PCDH7: variants seen among roughly 807,000 people sequenced by gnomAD.
PCDH7 encodes the protein protocadherin 7, also known as protocadherin-7.
PCDH7 carries 17 observed loss-of-function variants against 58.9 expected under a neutral mutation model. The ratio of observed to expected loss-of-function variants is 0.29; its 90% CI spans 0.20 to 0.43. The LOEUF (loss-of-function observed/expected upper bound fraction) is 0.43, where lower values mean the gene tolerates loss of function less well. Among genes scored for constraint, PCDH7 ranks in the 20% least tolerant of loss-of-function variants. PCDH7 has a pLI of 1.00. For synonymous variants in PCDH7, 664 were observed against 616.4 expected (o/e 1.08, Z -1.14); for missense variants, 1,274 against 1,441.0 (o/e 0.88, Z 1.88).
intron 1 of PCDH7, among the ~76,000 whole-genome samples, chr4:30,808,788 G>A (rs1384414344): frequency 6.6e-6 from 1 of 152,076 alleles, no homozygotes; most frequent in Non-Finnish European, 1.5e-5. Context: ...TTAGAAAATT[G>A]TCAAGACATA....
rs760283100 is a variant in PCDH7 at position 30,723,470 on chromosome 4, A to G, written c.2048A>G (p.Asn683Ser). 1 of 1,614,092 alleles carries G rather than the reference A, an allele frequency of 6.2e-7. No homozygotes were observed. Among genetic ancestry groups the G allele is most frequent in the Non-Finnish European group, 8.5e-7 (1 of 1,179,988 alleles). The change falls in exon 1 of 2, where the codon AAC becomes AGC. Residue 683 changes from asparagine to serine, a missense_variant. Transcript: ENST00000361762. The surrounding 1 kb of genome is among the most constrained non-coding windows in gnomAD (Gnocchi z 4.6). ...AGCCTGTACATAGAGGAGAACAATAACATTTTTTCTATTGAAAATGACACG... is the reference window on the plus strand; with the variant it reads ...AGCCTGTACATAGAGGAGAACAATAGCATTTTTTCTATTGAAAATGACACG...
chr4:30,977,088 GATAA>G (rs1441010392), intron 3 of PCDH7, among the ~76,000 whole-genome samples: 1 of 152,092 alleles, frequency 6.6e-6, no homozygotes, highest in African/African-American at 2.4e-5. Context: ...ATAAAAGATT[GATAA>G]ATAAGTAGGC....
chr4:30,728,194 G>C lies in PCDH7; in HGVS notation c.3175-2559G>C, dbSNP rs548130481. On this transcript the variant is annotated intron_variant, in intron 1 of 1. Coordinates refer to ENST00000361762, the Ensembl canonical transcript of PCDH7. Reference sequence around the variant, plus strand: ...ATTGCTTCAATTTTGGAAGCAAATGGTTGACTTGCTGTCATCTATTAAGCA... The same window carrying C: ...ATTGCTTCAATTTTGGAAGCAAATGCTTGACTTGCTGTCATCTATTAAGCA... Among the ~76,000 whole-genome samples, 3 of 150,808 alleles carry C rather than the reference G, an allele frequency of 2.0e-5. No individual in the cohort carries two copies. In the South Asian group the frequency reaches 6.2e-4, roughly 31 times the overall value.
intron 1 of PCDH7, among the ~76,000 whole-genome samples, chr4:30,750,077 C>G (rs921071978): frequency 2.6e-5 from 4 of 152,100 alleles, no homozygotes; most frequent in Non-Finnish European, 5.9e-5. Context: ...AGGCACTGGG[C>G]AGCTCCTTGC....
intron 1 of PCDH7, among the ~76,000 whole-genome samples, chr4:30,823,969 C>T (rs1728699642): frequency 6.6e-6 from 1 of 152,124 alleles, no homozygotes; most frequent in Non-Finnish European, 1.5e-5. Context: ...AACCCAGAAT[C>T]TGGAGAAGCC....
chr4:30,845,740 C>G (rs1560429232), intron 1 of PCDH7, among the ~76,000 whole-genome samples: 1 of 152,044 alleles, frequency 6.6e-6, no homozygotes, highest in Non-Finnish European at 1.5e-5. Context: ...GCTGAGACTA[C>G]AAGTGTGTGC....
chr4:30,802,624 T>C (rs567820689), intron 1 of PCDH7, among the ~76,000 whole-genome samples: 38 of 151,872 alleles, frequency 2.5e-4, no homozygotes, highest in Non-Finnish European at 3.8e-4. Flanking sequence ...TTTGGAGATA[T>C]AGAGGAGGGA....
At chr4:31,015,381 G>T (rs1004313004) in intron 3 of PCDH7, among the ~76,000 whole-genome samples, 3 of 152,154 alleles carry the variant, frequency 2.0e-5, no homozygotes, top group African/African-American at 7.2e-5. Flanking sequence ...ATGATTCCCA[G>T]TGTGTTTTAT....
Position 30,720,804 on chromosome 4 carries a change from T to G in PCDH7, c.-619T>G, listed in dbSNP as rs1713376803. ...AGAGTCGGAGTTGAGACTGGCTTGT[T>G]GCTGGCCCCAGCGCCTGGTGCAGGA... On this transcript the variant is annotated 5_prime_UTR_variant, in exon 1 of 2. Transcript: ENST00000361762. This position sits in a 1 kb window ranked among gnomAD's most constrained non-coding sequence, Gnocchi z 4.7. 1 of 152,874 alleles carries G rather than the reference T, an allele frequency of 6.5e-6. No individual in the cohort carries two copies. 9.5% of individuals were successfully genotyped at this position (152,874 alleles called of 1,614,324 possible).
At chr4:30,860,925 GC>G (rs1468873399) in intron 1 of PCDH7, among the ~76,000 whole-genome samples, 1 of 152,022 alleles carries the variant, frequency 6.6e-6, no homozygotes, top group African/African-American at 2.4e-5. Flanking sequence ...TTTTTTAACT[GC>G]TGTTTACATA....
chr4:31,004,958 A>T (rs1348456212), intron 3 of PCDH7, among the ~76,000 whole-genome samples: 1 of 152,128 alleles, frequency 6.6e-6, no homozygotes, highest in African/African-American at 2.4e-5. Context: ...TGAAACACAC[A>T]CGAAAAAAAC....
intron 1 of PCDH7, among the ~76,000 whole-genome samples, chr4:30,886,247 A>G (rs1737735922): frequency 6.7e-6 from 1 of 149,224 alleles, no homozygotes; most frequent in African/African-American, 2.5e-5. Flanking sequence ...AATATCCAGA[A>G]TCTACAATGA....
intron 1 of PCDH7, among the ~76,000 whole-genome samples, chr4:30,865,643 T>C (rs927636985): frequency 6.6e-6 from 1 of 151,922 alleles, no homozygotes; most frequent in African/African-American, 2.4e-5. Context: ...ATTTACAGTG[T>C]TTTTTAAGGA....
intron 3 of PCDH7, among the ~76,000 whole-genome samples, chr4:31,137,871 A>G (rs1719800864): frequency 6.6e-6 from 1 of 152,214 alleles, no homozygotes; most frequent in Non-Finnish European, 1.5e-5. Flanking sequence ...ACTAAATATA[A>G]CATGTTCATA....
chr4:30,865,948 G>C (rs570986946), intron 1 of PCDH7, among the ~76,000 whole-genome samples: 1 of 152,180 alleles, frequency 6.6e-6, no homozygotes, highest in East Asian at 1.9e-4. Context: ...GAATTTAGGG[G>C]CATACTTCCG....
At chr4:30,908,568 C>A (rs1741298662) in intron 1 of PCDH7, among the ~76,000 whole-genome samples, 1 of 152,048 alleles carries the variant, frequency 6.6e-6, no homozygotes, top group African/African-American at 2.4e-5. Context: ...CATACACACT[C>A]CCAAGATTAA....
At chr4:30,971,352 A>G (rs2109473168) in intron 3 of PCDH7, among the ~76,000 whole-genome samples, 1 of 152,336 alleles carries the variant, frequency 6.6e-6, no homozygotes, top group East Asian at 1.9e-4. Context: ...TCTGGCAGCA[A>G]AGCAATAGGA....
intron 1 of PCDH7, among the ~76,000 whole-genome samples, chr4:30,882,921 A>C (rs1227375123): frequency 2.0e-5 from 3 of 152,114 alleles, no homozygotes; most frequent in African/African-American, 7.2e-5. Context: ...CCATTTTATC[A>C]CTTGAGACTC....
At chr4:30,928,089 C>A (rs1288736501) in intron 2 of PCDH7, among the ~76,000 whole-genome samples, 1 of 152,120 alleles carries the variant, frequency 6.6e-6, no homozygotes, top group Non-Finnish European at 1.5e-5. Context: ...GATTCTCTCA[C>A]CTTATCCTAC....
Sources: gnomAD v4.1 joint callset for allele counts (sites outside exome capture counted in the v4.1 genomes callset) on GRCh38, gnomAD v4.1.1 for gene constraint, Gnocchi (gnomAD v3.1) non-coding constraint, MANE v1.5 for transcripts, NCBI Gene and HGNC (gene_info 2026-07-23, HGNC 2026-07-21) for gene names.